The following SLC39A8 variants were observed in gnomAD, a reference collection of about 807,000 sequenced individuals.
SLC39A8 encodes solute carrier family 39 member 8.
A neutral mutation model predicts 40.4 loss-of-function variants in SLC39A8; 15 were observed. That is an observed-to-expected ratio of 0.37 (90% CI 0.25 to 0.57). SLC39A8 has a LOEUF of 0.57. Ranked by LOEUF, SLC39A8 falls within the 20% of genes least tolerant of loss-of-function variation. The pLI is 0.75. For missense variants in SLC39A8, 472 were observed against 558.8 expected (o/e 0.84, Z 1.57); for synonymous variants, 223 against 221.6 (o/e 1.01, Z -0.06).
chr4:102,344,745 A>G lies in SLC39A8; in HGVS notation c.-83T>C, dbSNP rs547563788. On this transcript the variant is annotated 5_prime_UTR_variant, in exon 2 of 9. Transcript: ENST00000356736. ...GCGGGCGCACTGGCGTCCTTGCCCA[A>G]GGGCGGGAGCGTCAGTGCTCGGCGC... 8 of 1,360,456 alleles carry G rather than the reference A, an allele frequency of 5.9e-6. No individual in the cohort carries two copies. The African/African-American group carries it at 1.1e-4, about 18-fold the overall frequency. 84.3% of individuals were successfully genotyped at this position (1,360,456 alleles called of 1,614,324 possible).
intron 2 of SLC39A8, among the ~76,000 whole-genome samples, chr4:102,319,706 T>C (rs913337861): frequency 6.6e-6 from 1 of 152,132 alleles, no homozygotes; most frequent in African/African-American, 2.4e-5. Flanking sequence ...AGTTCCATAC[T>C]GAGGTCTCTT....
Position 102,262,375 on chromosome 4 carries a change from A to C in SLC39A8, c.*669T>G. ...TTTCGTGGAATCTGGTGAAGTTTAT[A>C]CTTAGCGATAAGCCTCTAAGCCTGA... On this transcript the variant is annotated 3_prime_UTR_variant, in exon 9 of 9. Coordinates refer to ENST00000356736, the MANE Select transcript of SLC39A8 (RefSeq NM_001135146.2). The C allele has an allele frequency of 1.0e-6, 1 of 985,548 alleles. No individual in the cohort carries two copies. The highest frequency in any genetic ancestry group is 4.7e-5 in the South Asian group (1 of 21,290). 61.1% of individuals were successfully genotyped at this position (985,548 alleles called of 1,614,324 possible). A position where few individuals can be genotyped will look rare whatever the true frequency, so the allele number is the denominator to read the frequency against.
downstream of SLC39A8, among the ~76,000 whole-genome samples, chr4:102,260,692 A>G (rs781525414): frequency 6.6e-6 from 1 of 152,224 alleles, no homozygotes. Context: ...TAAACCTAAC[A>G]TAGATAATCC....
At chr4:102,259,635 T>C (rs1315945828), downstream of SLC39A8, 4 of 693,464 alleles carry the variant, frequency 5.8e-6, no homozygotes, top group Non-Finnish European at 9.5e-6. Context: ...TTGCTTAGCA[T>C]GGCCAACCCG....
chr4:102,284,812 T>G (rs1441872507), intron 6 of SLC39A8, among the ~76,000 whole-genome samples: 1 of 130,202 alleles, frequency 7.7e-6, no homozygotes, highest in Non-Finnish European at 1.6e-5. Context: ...AATCTCTAGA[T>G]TTGGGTGTTT....
intron 2 of SLC39A8, among the ~76,000 whole-genome samples, chr4:102,324,933 C>T (rs1735130941): frequency 6.6e-6 from 1 of 152,134 alleles, no homozygotes; most frequent in African/African-American, 2.4e-5. Flanking sequence ...CTTACATGTT[C>T]CACACTCACA....
intron 6 of SLC39A8, among the ~76,000 whole-genome samples, chr4:102,291,272 T>C (rs1733427607): frequency 6.6e-6 from 1 of 151,964 alleles, no homozygotes; most frequent in Non-Finnish European, 1.5e-5. Context: ...GCATTGAAAA[T>C]GTATGCATTC....
intron 2 of SLC39A8, among the ~76,000 whole-genome samples, chr4:102,327,071 CAG>C (rs1206380484): frequency 6.6e-6 from 1 of 152,134 alleles, no homozygotes; most frequent in Non-Finnish European, 1.5e-5. Flanking sequence ...CACTTAAGCC[CAG>C]GAGTTCAAAA....
At chr4:102,301,413 A>G (rs1291897154) in intron 6 of SLC39A8, among the ~76,000 whole-genome samples, 3 of 152,056 alleles carry the variant, frequency 2.0e-5, no homozygotes, top group East Asian at 1.9e-4. Context: ...TGAACAGTCA[A>G]TCAAAAGAAG....
intron 2 of SLC39A8, among the ~76,000 whole-genome samples, chr4:102,342,160 T>A (rs1184835514): frequency 1.3e-5 from 2 of 152,210 alleles, no homozygotes; most frequent in East Asian, 3.9e-4. Flanking sequence ...AGATTGGTAT[T>A]TCATTTGTCA....
At chr4:102,298,135 T>TA (rs1198917117) in intron 6 of SLC39A8, among the ~76,000 whole-genome samples, 1 of 151,802 alleles carries the variant, frequency 6.6e-6, no homozygotes, top group Non-Finnish European at 1.5e-5. Flanking sequence ...GTCTCCTTGT[T>TA]AAAGTAAGAA....
intron 6 of SLC39A8, among the ~76,000 whole-genome samples, chr4:102,272,565 AGAGT>A (rs1215756440): frequency 6.6e-6 from 1 of 152,170 alleles, no homozygotes; most frequent in African/African-American, 2.4e-5. Flanking sequence ...GCTGGGCGAC[AGAGT>A]TAGACCTTGT....
chr4:102,261,936 G>A lies in SLC39A8; in HGVS notation c.*1108C>T. 1.0e-6 allele frequency: 1 copy of A among 985,846 alleles called. No individual in the cohort carries two copies. Among genetic ancestry groups the A allele is most frequent in the Non-Finnish European group, 1.2e-6 (1 of 829,890 alleles). The allele number at this position is 985,846 out of a possible 1,614,324, so 61.1% of individuals were successfully genotyped here. ...GACCAATTTTCTCTATCTTCTAAATGAGTAAACAGGCTCTGTCTTTTATAA... is the reference window on the plus strand; with the variant it reads ...GACCAATTTTCTCTATCTTCTAAATAAGTAAACAGGCTCTGTCTTTTATAA... On this transcript the variant is annotated 3_prime_UTR_variant, in exon 9 of 9. Transcript: ENST00000356736.
chr4:102,262,802 T>C lies in SLC39A8; in HGVS notation c.*242A>G, dbSNP rs1731922403. On this transcript the variant is annotated 3_prime_UTR_variant, in exon 9 of 9. Coordinates refer to ENST00000356736, the MANE Select transcript of SLC39A8 (RefSeq NM_001135146.2). Reference sequence around the variant, plus strand: ...CTAATATGCATGGAATACTGAAAAATAGGTATTTCCCAAAGGCTCCTATAT... The same window carrying C: ...CTAATATGCATGGAATACTGAAAAACAGGTATTTCCCAAAGGCTCCTATAT... 6 of 1,242,246 alleles carry C rather than the reference T, an allele frequency of 4.8e-6. No homozygotes were observed. The highest frequency in any genetic ancestry group is 4.0e-5 in the Admixed American group (1 of 25,300). The allele number at this position is 1,242,246 out of a possible 1,614,324, so 77.0% of individuals were successfully genotyped here.
At chr4:102,259,575 A>C, downstream of SLC39A8, 2 of 1,291,140 alleles carry the variant, frequency 1.5e-6, no homozygotes, top group Non-Finnish European at 1.1e-6. Context: ...GAAATCAGTG[A>C]TGTGCTCAAA....
chr4:102,330,473 A>G (rs937300996), intron 2 of SLC39A8, among the ~76,000 whole-genome samples: 1 of 152,228 alleles, frequency 6.6e-6, no homozygotes, highest in Non-Finnish European at 1.5e-5. Context: ...CTAAACCAGG[A>G]AGAAGTTTAA....
intron 6 of SLC39A8, among the ~76,000 whole-genome samples, chr4:102,302,620 T>C (rs530907616): frequency 6.6e-6 from 1 of 152,090 alleles, no homozygotes; most frequent in South Asian, 2.1e-4. Flanking sequence ...TCCAGCAAAG[T>C]ATATAAGAAC....
rs191128705 is a variant in SLC39A8, at chr4:102,253,863, T to C, written c.*299-433A>G. Among the ~76,000 whole-genome samples, 406 of 152,334 alleles carry C rather than the reference T, an allele frequency of 2.7e-3. 1 individual carries two copies. Among genetic ancestry groups the C allele is most frequent in the African/African-American group, 9.3e-3 (387 of 41,588 alleles). The stretch of plus-strand genomic sequence containing the variant: ...TGTGCGTACCGCTGAGTAGCCTGCC[T>C]TTCTTCAGTTAGTATTAATTTGATT... On this transcript the variant is annotated intron_variant and NMD_transcript_variant, in intron 11 of 11. Transcript: ENST00000424970.
At chr4:102,259,036 C>T (rs1207020546), downstream of SLC39A8, among the ~76,000 whole-genome samples, 1 of 152,220 alleles carries the variant, frequency 6.6e-6, no homozygotes, top group Non-Finnish European at 1.5e-5. Flanking sequence ...CCTCACTTCA[C>T]CTGCAAAAGC....
Sources: gnomAD v4.1 joint callset for allele counts (sites outside exome capture counted in the v4.1 genomes callset) on GRCh38, gnomAD v4.1.1 for gene constraint, MANE v1.5 for transcripts, NCBI Gene and HGNC (gene_info 2026-07-23, HGNC 2026-07-21) for gene names.